CPA6: variants seen among roughly 807,000 people sequenced by gnomAD.
The protein encoded by CPA6 is carboxypeptidase B.
A neutral mutation model predicts 63.3 loss-of-function variants in CPA6; 58 were observed. The ratio of observed to expected loss-of-function variants is 0.92; its 90% CI spans 0.74 to 1.14. CPA6 has a LOEUF of 1.14. CPA6 is among the 50% of genes most tolerant of loss of function. The pLI is 0.00. For missense variants in CPA6, 565 were observed against 526.6 expected, an observed-to-expected ratio of 1.07 and a Z score of -0.71; for synonymous variants, 185 against 179.0, an observed-to-expected ratio of 1.03 and a Z score of -0.27.
intron 8 of CPA6, among the ~76,000 whole-genome samples, chr8:67,470,216 G>C (rs1366460607): frequency 1.3e-5 from 2 of 151,858 alleles, no homozygotes; most frequent in African/African-American, 4.8e-5. Flanking sequence ...TTTTAGTAGA[G>C]ACGGGGTTTC....
chr8:67,539,129 C>G (rs1156821226), intron 2 of CPA6, among the ~76,000 whole-genome samples: 1 of 152,156 alleles, frequency 6.6e-6, no homozygotes, highest in Non-Finnish European at 1.5e-5. Context: ...TTTGCAGTGG[C>G]TGGTACTGGT....
intron 1 of CPA6, among the ~76,000 whole-genome samples, chr8:67,691,963 C>T (rs1039234814): frequency 1.3e-5 from 2 of 152,160 alleles, no homozygotes; most frequent in East Asian, 1.9e-4. Context: ...TCCTTATGAG[C>T]CATGCTGGAG....
intron 2 of CPA6, among the ~76,000 whole-genome samples, chr8:67,573,529 C>CA (rs56233522): frequency 0.58 from 88,264 of 151,850 alleles, 28,001 homozygotes; most frequent in African/African-American, 0.84. Context: ...ACAATAGTTA[C>CA]AAAAATGAAA....
intron 2 of CPA6, among the ~76,000 whole-genome samples, chr8:67,551,586 T>C (rs1441495321): frequency 1.3e-5 from 2 of 152,172 alleles, no homozygotes; most frequent in Non-Finnish European, 2.9e-5. Flanking sequence ...ATAGGAATCA[T>C]ATGGAACCTG....
intron 2 of CPA6, among the ~76,000 whole-genome samples, chr8:67,526,808 T>TG (rs1225001970): frequency 6.6e-6 from 1 of 152,136 alleles, no homozygotes; most frequent in Non-Finnish European, 1.5e-5. Context: ...CCTTTTCATA[T>TG]AAAAGAGCCA....
At chr8:67,558,246 C>T (rs1169673157) in intron 2 of CPA6, among the ~76,000 whole-genome samples, 2 of 152,176 alleles carry the variant, frequency 1.3e-5, no homozygotes, top group Admixed American at 6.5e-5. Flanking sequence ...TCATTATCAC[C>T]TTTCTAGAGA....
intron 1 of CPA6, among the ~76,000 whole-genome samples, chr8:67,678,700 G>C (rs1328156265): frequency 1.3e-5 from 2 of 152,196 alleles, no homozygotes; most frequent in African/African-American, 2.4e-5. Context: ...TTAGAAAGCT[G>C]TTGGTGGTAA....
intron 1 of CPA6, among the ~76,000 whole-genome samples, chr8:67,690,059 T>C (rs1816785168): frequency 6.6e-6 from 1 of 152,202 alleles, no homozygotes; most frequent in Admixed American, 6.5e-5. Flanking sequence ...GTTTGTTGGC[T>C]GCTTTTATGT....
At position 67,598,897 on chromosome 8, in the gene CPA6, TTAAG is replaced by T. The variant is rs1209816279; in HGVS notation, c.192+25275_192+25278del. Among the ~76,000 whole-genome samples, 11 of 149,826 alleles carry T rather than the reference TTAAG, an allele frequency of 7.3e-5. No individual in the cohort carries two copies. The East Asian group carries it at 2.1e-3, about 29-fold the overall frequency. On this transcript the variant is annotated intron_variant, in intron 2 of 10. Transcript: ENST00000297770. Reference sequence around the variant, plus strand: ...AGAAGATATTTTCATAGTAATTCCTTTAAGTGTTTTTTTTTAATACTAGGCCCAT... The same window carrying T: ...AGAAGATATTTTCATAGTAATTCCTTTGTTTTTTTTTAATACTAGGCCCAT...
chr8:67,708,109 A>G (rs1587717597), intron 1 of CPA6, among the ~76,000 whole-genome samples: 2 of 152,180 alleles, frequency 1.3e-5, no homozygotes, highest in East Asian at 3.9e-4. Context: ...CCCAACTCAT[A>G]CAGGTTTTTG....
At chr8:67,634,598 T>C (rs1041283572) in intron 1 of CPA6, among the ~76,000 whole-genome samples, 3 of 151,632 alleles carry the variant, frequency 2.0e-5, no homozygotes, top group Non-Finnish European at 4.4e-5. Context: ...CCACTTGATG[T>C]GTGCCCTTGG....
chr8:67,510,406 A>G (rs1433417095), intron 4 of CPA6, among the ~76,000 whole-genome samples: 4 of 150,376 alleles, frequency 2.7e-5, no homozygotes, highest in East Asian at 2.0e-4. Context: ...AGCAGGATAT[A>G]TGTGTGTGTG....
intron 2 of CPA6, among the ~76,000 whole-genome samples, chr8:67,598,168 C>G (rs1286338571): frequency 6.6e-6 from 1 of 152,156 alleles, no homozygotes; most frequent in Non-Finnish European, 1.5e-5. Context: ...GACAAAATGG[C>G]TACTTCACAT....
chr8:67,430,155 G>A (rs925776461), intron 9 of CPA6, among the ~76,000 whole-genome samples: 2 of 145,054 alleles, frequency 1.4e-5, no homozygotes, highest in African/African-American at 5.4e-5. Context: ...GTGTGTGTGT[G>A]TGTGTGTGTG....
In CPA6 at chr8:67,519,610, T is replaced by C. The variant is rs1323454598; in HGVS notation, c.193-1563A>G. Among the ~76,000 whole-genome samples the C allele has an allele frequency of 1.3e-5, 2 of 152,224 alleles. 1 individual carries two copies. Among genetic ancestry groups the C allele is most frequent in the Admixed American group, 1.3e-4 (2 of 15,282 alleles). On this transcript the variant is annotated intron_variant, in intron 2 of 10. Transcript: ENST00000297770. Reference sequence around the variant, plus strand: ...CAAAGAGTCTACCTGTTTTCTTTCATGCAGCTGACTCCTCCACTCGCTTGC... The same window carrying C: ...CAAAGAGTCTACCTGTTTTCTTTCACGCAGCTGACTCCTCCACTCGCTTGC...
intron 1 of CPA6, among the ~76,000 whole-genome samples, chr8:67,641,876 T>C (rs1401757101): frequency 1.3e-5 from 2 of 152,174 alleles, no homozygotes; most frequent in Non-Finnish European, 2.9e-5. Flanking sequence ...TAAAGTAATA[T>C]ATAATTAAAA....
At chr8:67,720,570 A>C (rs1817477099) in intron 1 of CPA6, among the ~76,000 whole-genome samples, 1 of 147,090 alleles carries the variant, frequency 6.8e-6, no homozygotes, top group African/African-American at 2.5e-5. Context: ...GCGGGAGGGG[A>C]TGGGATCCAG....
intron 5 of CPA6, among the ~76,000 whole-genome samples, chr8:67,507,855 C>T (rs184710169): frequency 2.6e-5 from 4 of 152,268 alleles, no homozygotes; most frequent in Admixed American, 2.0e-4. Context: ...GAAGGCCTCT[C>T]AATCCTGGAA....
chr8:67,519,551 C>G (rs1812218508), intron 2 of CPA6, among the ~76,000 whole-genome samples: 2 of 152,218 alleles, frequency 1.3e-5, no homozygotes, highest in Admixed American at 1.3e-4. Context: ...ACAATTTAGC[C>G]TGGAACAGGG....
Sources: allele counts gnomAD v4.1 joint callset (sites outside exome capture counted in the v4.1 genomes callset), GRCh38; gene constraint gnomAD v4.1.1; transcripts MANE v1.5; gene names NCBI Gene and HGNC (gene_info 2026-07-23, HGNC 2026-07-21).